Variants in ZZZ3 observed in about 807,000 individuals in gnomAD.
The protein encoded by ZZZ3 is ZZ-type zinc finger-containing protein 3.
Under a neutral mutation model 95.2 loss-of-function variants are expected in ZZZ3, and 22 were observed. The ratio of observed to expected loss-of-function variants is 0.23; its 90% confidence interval spans 0.17 to 0.33. The LOEUF is 0.33. Ranked by LOEUF, ZZZ3 falls within the 10% of genes least tolerant of loss-of-function variation. The pLI, the probability that ZZZ3 is intolerant of heterozygous loss-of-function variation, is 1.00. For missense variants in ZZZ3, 885 were observed against 1,066.5 expected (o/e 0.83, Z 2.37); for synonymous variants, 335 against 358.9 (o/e 0.93, Z 0.75).
Position 77,590,812 on chromosome 1 carries a change from G to A in ZZZ3, c.1506-6157C>T, listed in dbSNP as rs182300782. Among the ~76,000 whole-genome samples, 22 of 152,254 alleles carry A rather than the reference G, an allele frequency of 1.4e-4. No homozygotes were observed. The East Asian group carries it at 2.1e-3, about 15-fold the overall frequency. ...GCCCTTCTTTTTAGGAGATATTTGC[G>A]GAAGTATGAGTGATGAGTCTACAAC... On this transcript the variant is annotated intron_variant, in intron 5 of 14. Coordinates refer to ENST00000370801, the MANE Select transcript of ZZZ3 (RefSeq NM_015534.6).
At chr1:77,675,909 T>C (rs1672223763) in intron 1 of ZZZ3, among the ~76,000 whole-genome samples, 1 of 152,182 alleles carries the variant, frequency 6.6e-6, no homozygotes, top group African/African-American at 2.4e-5. Context: ...TGAATGTCTA[T>C]GCTATTAAAT....
chr1:77,578,396 T>C (rs1289386718), intron 11 of ZZZ3, among the ~76,000 whole-genome samples: 3 of 152,172 alleles, frequency 2.0e-5, no homozygotes, highest in African/African-American at 7.2e-5. Context: ...AATAAACCTT[T>C]CTATTCTTGG....
intron 1 of ZZZ3, among the ~76,000 whole-genome samples, chr1:77,661,425 AAAAC>A (rs1670777880): frequency 6.6e-6 from 1 of 151,890 alleles, no homozygotes; most frequent in African/African-American, 2.4e-5. Context: ...AACCAAAACA[AAAAC>A]AAAAACAAAA....
intron 5 of ZZZ3, among the ~76,000 whole-genome samples, chr1:77,605,674 G>C (rs1263814146): frequency 6.6e-6 from 1 of 152,120 alleles, no homozygotes. Flanking sequence ...AAACAGACAA[G>C]GTCATGAGGC....
In ZZZ3 at chr1:77,633,055, A is replaced by G; in HGVS notation, c.300T>C (p.Ala100=). ...SSEKDNIERQ[A]IENCERRQTE... ...TTTGCCTTCTCTCACAATTTTCTAT[A>G]GCCTGCCTTTCTATGTTATCCTTTT... The change falls in exon 5 of 15, where the codon GCT becomes GCC. Residue 100 remains alanine (A), a synonymous_variant. Transcript: ENST00000370801. 1 of 1,613,892 alleles carries G rather than the reference A, an allele frequency of 6.2e-7. No individual in the cohort carries two copies. The highest frequency in any genetic ancestry group is 8.5e-7 in the Non-Finnish European group (1 of 1,180,006).
chr1:77,621,929 C>T (rs1000577373), intron 5 of ZZZ3, among the ~76,000 whole-genome samples: 4 of 152,070 alleles, frequency 2.6e-5, no homozygotes, highest in Non-Finnish European at 4.4e-5. Context: ...CATGTTAAGA[C>T]GGTAACATGA....
intron 1 of ZZZ3, among the ~76,000 whole-genome samples, chr1:77,653,628 C>T (rs921430260): frequency 6.6e-6 from 1 of 152,124 alleles, no homozygotes; most frequent in Admixed American, 6.5e-5. Context: ...TGGCACATGC[C>T]TGTAATCCCA....
intron 5 of ZZZ3, among the ~76,000 whole-genome samples, chr1:77,615,634 C>T (rs1570513138): frequency 6.6e-6 from 1 of 152,108 alleles, no homozygotes; most frequent in East Asian, 1.9e-4. Flanking sequence ...AAATATATTT[C>T]TCCATGTTAC....
At chr1:77,654,675 C>T (rs954146037) in intron 1 of ZZZ3, among the ~76,000 whole-genome samples, 2 of 152,060 alleles carry the variant, frequency 1.3e-5, no homozygotes, top group African/African-American at 4.8e-5. Flanking sequence ...TGACATCAGG[C>T]CTTACATATT....
At chr1:77,677,780 T>G (rs910446022) in intron 1 of ZZZ3, among the ~76,000 whole-genome samples, 1 of 152,170 alleles carries the variant, frequency 6.6e-6, no homozygotes, top group Non-Finnish European at 1.5e-5. Context: ...TACCTAACAG[T>G]AGGTTAAAAA....
chr1:77,648,507 A>ATATAT (rs1669504084), intron 1 of ZZZ3, among the ~76,000 whole-genome samples: 1 of 152,146 alleles, frequency 6.6e-6, no homozygotes, highest in Non-Finnish European at 1.5e-5. Context: ...CAGTAGATGG[A>ATATAT]TATATTAAGC....
intron 1 of ZZZ3, among the ~76,000 whole-genome samples, chr1:77,673,933 A>C (rs1672016289): frequency 6.6e-6 from 1 of 152,032 alleles, no homozygotes; most frequent in African/African-American, 2.4e-5. Context: ...GCAAGCTACC[A>C]AGTCATAAAA....
intron 5 of ZZZ3, among the ~76,000 whole-genome samples, chr1:77,595,559 A>T (rs1487902987): frequency 1.3e-5 from 2 of 152,166 alleles, no homozygotes; most frequent in African/African-American, 4.8e-5. Context: ...ATCCCCAGGA[A>T]GTAGAGCATC....
At chr1:77,587,917 G>A (rs891725439) in intron 5 of ZZZ3, among the ~76,000 whole-genome samples, 4 of 152,112 alleles carry the variant, frequency 2.6e-5, no homozygotes, top group African/African-American at 7.2e-5. Context: ...AATAGTAAAT[G>A]TATTTTCTCT....
At chr1:77,587,225 A>G (rs1440819921) in intron 5 of ZZZ3, among the ~76,000 whole-genome samples, 1 of 149,156 alleles carries the variant, frequency 6.7e-6, no homozygotes, top group East Asian at 2.0e-4. Context: ...ATTCTCCACA[A>G]TGAATGTTTA....
At chr1:77,583,469 C>T (rs1662742841) in intron 6 of ZZZ3, among the ~76,000 whole-genome samples, 1 of 152,056 alleles carries the variant, frequency 6.6e-6, no homozygotes, top group African/African-American at 2.4e-5. Flanking sequence ...ATTCTAAAAA[C>T]CTTAGAAGTT....
chr1:77,631,448 C>A (rs542186693), intron 5 of ZZZ3, among the ~76,000 whole-genome samples: 1 of 152,268 alleles, frequency 6.6e-6, no homozygotes, highest in East Asian at 1.9e-4. Flanking sequence ...GCCTGCCAGA[C>A]TTCACATATC....
At chr1:77,664,610 A>C (rs1011147228) in intron 1 of ZZZ3, among the ~76,000 whole-genome samples, 8 of 152,174 alleles carry the variant, frequency 5.3e-5, no homozygotes, top group African/African-American at 1.7e-4. Flanking sequence ...TAAGCAGCTC[A>C]CACTATAGGT....
chr1:77,629,116 G>C (rs1332955775), intron 5 of ZZZ3, among the ~76,000 whole-genome samples: 2 of 152,138 alleles, frequency 1.3e-5, no homozygotes, highest in East Asian at 3.9e-4. Context: ...GGATTAAAAA[G>C]AGCCAACATT....
Sources: gnomAD v4.1 joint callset for allele counts (sites outside exome capture counted in the v4.1 genomes callset) on GRCh38, gnomAD v4.1.1 for gene constraint, MANE v1.5 for transcripts, NCBI Gene and HGNC (gene_info 2026-07-23, HGNC 2026-07-21) for gene names.